KATNAL1: variants seen among roughly 807,000 people sequenced by gnomAD.
KATNAL1 encodes katanin catalytic subunit A1 like 1.
In KATNAL1, 32 loss-of-function variants were observed where a neutral mutation model predicts 55.2. The observed-to-expected ratio is 0.58, with a 90% confidence interval of 0.44 to 0.78. The LOEUF (loss-of-function observed/expected upper bound fraction) is 0.78. Among genes scored for constraint, KATNAL1 ranks in the 30% least tolerant of loss-of-function variants. The probability of loss-of-function intolerance (pLI) is 0.00; values close to 1 mark genes in which losing one functional copy is unlikely to be tolerated. For synonymous variants in KATNAL1, 193 were observed against 193.6 expected, an observed-to-expected ratio of 1.00 and a Z score of 0.02; for missense variants, 466 against 600.9, an observed-to-expected ratio of 0.78 and a Z score of 2.35.
rs913473219 is a variant in KATNAL1 at position 30,206,797 on chromosome 13, T to G, written c.*1743A>C. 9.2e-5 allele frequency: 14 copies of G among 152,110 alleles called. No homozygotes were observed. Among genetic ancestry groups the G allele is most frequent in the Non-Finnish European group, 1.6e-4 (11 of 67,994 alleles). The allele number at this position is 152,110 out of a possible 1,614,324, so 9.4% of individuals were successfully genotyped here. A position where few individuals can be genotyped will look rare whatever the true frequency, so the allele number is the denominator to read the frequency against. On this transcript the variant is annotated 3_prime_UTR_variant, in exon 11 of 11. Coordinates refer to ENST00000380615, the MANE Select transcript of KATNAL1 (RefSeq NM_032116.5). Reference sequence around the variant, plus strand: ...TTCTGACTGGCAATAGTTTGCAAAATAATCGTAATGAAACTACTTATTTCT... The same window carrying G: ...TTCTGACTGGCAATAGTTTGCAAAAGAATCGTAATGAAACTACTTATTTCT...
intron 8 of KATNAL1, among the ~76,000 whole-genome samples, chr13:30,229,248 C>A (rs1293051984): frequency 6.6e-6 from 1 of 151,858 alleles, no homozygotes; most frequent in Non-Finnish European, 1.5e-5. Context: ...ACTTGGCTAT[C>A]TCTTTCCATG....
chr13:30,208,526 G>C lies in KATNAL1; in HGVS notation c.*14C>G, dbSNP rs1302279322. ...ATCAACAAAAATACCAGAAATTAAA[G>C]AGCTGACAGAAATTCAAGCAGATCC... On this transcript the variant is annotated 3_prime_UTR_variant, in exon 11 of 11. Coordinates refer to ENST00000380615, the MANE Select transcript of KATNAL1 (RefSeq NM_032116.5). The C allele has an allele frequency of 6.8e-7, 1 of 1,477,350 alleles. No homozygotes were observed. The highest frequency in any genetic ancestry group is 9.0e-7 in the Non-Finnish European group (1 of 1,105,032). The allele number at this position is 1,477,350 out of a possible 1,614,324, so 91.5% of individuals were successfully genotyped here.
chr13:30,304,617 C>G (rs1168485997), intron 1 of KATNAL1, among the ~76,000 whole-genome samples: 2 of 152,068 alleles, frequency 1.3e-5, no homozygotes, highest in African/African-American at 2.4e-5. Context: ...CTTCCTTTTT[C>G]TTTTCTACTC....
chr13:30,249,771 A>T (rs1203282645), intron 4 of KATNAL1, among the ~76,000 whole-genome samples: 1 of 152,152 alleles, frequency 6.6e-6, no homozygotes. Flanking sequence ...TGAGGTGCCA[A>T]ATGTTCGATT....
At chr13:30,214,989 C>T (rs1874068811) in intron 9 of KATNAL1, among the ~76,000 whole-genome samples, 1 of 151,928 alleles carries the variant, frequency 6.6e-6, no homozygotes, top group Non-Finnish European at 1.5e-5. Context: ...AAGAGGCAAC[C>T]TACAAAATGG....
In KATNAL1 at chr13:30,246,035, GA is replaced by G. The variant is rs571333615; in HGVS notation, c.493-4950del. ...ACCATTGACTTTCTTCACAGAATTAGAAAAAAACTACTTTAAATTTCATATG... is the reference window on the plus strand; with the variant it reads ...ACCATTGACTTTCTTCACAGAATTAGAAAAAACTACTTTAAATTTCATATG... On this transcript the variant is annotated intron_variant, in intron 4 of 10. Coordinates refer to ENST00000380615, the MANE Select transcript of KATNAL1 (RefSeq NM_032116.5). Among the ~76,000 whole-genome samples the G allele has an allele frequency of 3.3e-5, 5 of 152,118 alleles. No homozygotes were observed. In the South Asian group the frequency reaches 8.3e-4, roughly 25 times the overall value.
chr13:30,258,375 C>T (rs189896000), intron 3 of KATNAL1, among the ~76,000 whole-genome samples: 10 of 152,276 alleles, frequency 6.6e-5, no homozygotes, highest in Admixed American at 5.2e-4. Flanking sequence ...AGTCTAGATA[C>T]GAGTCCTATG....
intron 4 of KATNAL1, among the ~76,000 whole-genome samples, chr13:30,252,369 T>C (rs1295843232): frequency 1.3e-5 from 2 of 152,304 alleles, no homozygotes; most frequent in African/African-American, 4.8e-5. Flanking sequence ...CAACACCAAA[T>C]TAAAAATCCA....
chr13:30,218,505 T>A (rs1874536668), intron 9 of KATNAL1, among the ~76,000 whole-genome samples: 1 of 152,078 alleles, frequency 6.6e-6, no homozygotes, highest in East Asian at 1.9e-4. Context: ...GCAGTAACAG[T>A]TCTCTCTCAT....
intron 1 of KATNAL1, chr13:30,307,048 G>C (rs570837798): frequency 6.6e-6 from 1 of 151,888 alleles, no homozygotes; most frequent in East Asian, 1.9e-4. Context: ...AAAGTTTATC[G>C]GTCTTTCCCG....
chr13:30,222,537 T>A (rs1196987745), intron 9 of KATNAL1, among the ~76,000 whole-genome samples: 1 of 152,202 alleles, frequency 6.6e-6, no homozygotes, highest in African/African-American at 2.4e-5. Context: ...GGACCAGAAC[T>A]ACAGTCATCC....
At chr13:30,244,588 C>G (rs1877600743) in intron 4 of KATNAL1, among the ~76,000 whole-genome samples, 1 of 151,960 alleles carries the variant, frequency 6.6e-6, no homozygotes, top group Non-Finnish European at 1.5e-5. Context: ...CCAGCAAACC[C>G]TTCAAAAAAT....
chr13:30,291,429 T>C (rs1050757663), intron 1 of KATNAL1, among the ~76,000 whole-genome samples: 6 of 152,212 alleles, frequency 3.9e-5, no homozygotes, highest in African/African-American at 1.2e-4. Flanking sequence ...CCTAAATTAA[T>C]AGATATGTGT....
intron 3 of KATNAL1, among the ~76,000 whole-genome samples, chr13:30,275,996 A>C (rs958131284): frequency 1.3e-5 from 2 of 152,214 alleles, no homozygotes; most frequent in Admixed American, 1.3e-4. Context: ...TTACTGGAAG[A>C]AACCAACTCA....
intron 9 of KATNAL1, among the ~76,000 whole-genome samples, chr13:30,211,272 A>G (rs1873663745): frequency 1.3e-5 from 2 of 152,160 alleles, no homozygotes; most frequent in Non-Finnish European, 2.9e-5. Flanking sequence ...AGATTCACCA[A>G]TTGCTAACAT....
chr13:30,298,029 T>G (rs961306787), intron 1 of KATNAL1, among the ~76,000 whole-genome samples: 1 of 152,194 alleles, frequency 6.6e-6, no homozygotes, highest in South Asian at 2.1e-4. Flanking sequence ...AGTTAAAAAT[T>G]TTTAAAGTAT....
At chr13:30,296,417 C>T (rs958824723) in intron 1 of KATNAL1, 22 of 924,320 alleles carry the variant, frequency 2.4e-5, no homozygotes, top group South Asian at 6.8e-5. Context: ...TAACATCCCC[C>T]GGAAGGAGGG....
intron 9 of KATNAL1, among the ~76,000 whole-genome samples, chr13:30,213,193 G>C (rs1413952700): frequency 6.6e-6 from 1 of 152,002 alleles, no homozygotes; most frequent in Non-Finnish European, 1.5e-5. Context: ...TAAATTCCTC[G>C]ACACATACAC....
At chr13:30,263,015 T>C (rs1472659628) in intron 3 of KATNAL1, among the ~76,000 whole-genome samples, 2 of 152,178 alleles carry the variant, frequency 1.3e-5, no homozygotes, top group East Asian at 3.8e-4. Flanking sequence ...TAAAAGCTTA[T>C]CCACCATGAT....
Sources: allele counts gnomAD v4.1 joint callset (sites outside exome capture counted in the v4.1 genomes callset), GRCh38; gene constraint gnomAD v4.1.1; transcripts MANE v1.5; gene names NCBI Gene and HGNC (gene_info 2026-07-23, HGNC 2026-07-21).